Variants in CTNNA2 observed in about 807,000 individuals in gnomAD.
CTNNA2 encodes the protein catenin alpha-2.
In CTNNA2, 42 loss-of-function variants were observed where a neutral mutation model predicts 101.0. The observed-to-expected ratio is 0.42, with a 90% confidence interval of 0.32 to 0.54. The LOEUF (loss-of-function observed/expected upper bound fraction) is 0.54, where lower values mean the gene tolerates loss of function less well. Ranked by LOEUF, CTNNA2 falls within the 20% of genes least tolerant of loss-of-function variation. The pLI is 0.14. For missense variants in CTNNA2, 871 were observed against 1,223.1 expected, an observed-to-expected ratio of 0.71 and a Z score of 4.29; for synonymous variants, 450 against 456.4, an observed-to-expected ratio of 0.99 and a Z score of 0.18.
intron 7 of CTNNA2, among the ~76,000 whole-genome samples, chr2:80,248,395 G>T (rs1250150225): frequency 6.6e-6 from 1 of 152,184 alleles, no homozygotes; most frequent in Non-Finnish European, 1.5e-5. Context: ...TGTTGGGCAG[G>T]AGAGATTCCA....
chr2:79,463,379 C>T (rs1265089619), intron 4 of CTNNA2, among the ~76,000 whole-genome samples: 3 of 132,442 alleles, frequency 2.3e-5, no homozygotes, highest in South Asian at 2.4e-4. Flanking sequence ...CTGCACTTGA[C>T]AGAGTGAGAC....
At chr2:79,398,186 T>C (rs1249459640) in intron 4 of CTNNA2, among the ~76,000 whole-genome samples, 2 of 152,144 alleles carry the variant, frequency 1.3e-5, no homozygotes, top group African/African-American at 4.8e-5. Flanking sequence ...TAAAATTGTT[T>C]AGAAGATTTG....
intron 9 of CTNNA2, among the ~76,000 whole-genome samples, chr2:80,474,102 A>G (rs1487816409): frequency 6.6e-6 from 1 of 152,166 alleles, no homozygotes; most frequent in Non-Finnish European, 1.5e-5. Flanking sequence ...TCATTTACCA[A>G]AACAGTTTTT....
chr2:79,298,044 T>TCTTG (rs1358809857), intron 2 of CTNNA2, among the ~76,000 whole-genome samples: 1 of 152,206 alleles, frequency 6.6e-6, no homozygotes, highest in Middle Eastern at 3.2e-3. Flanking sequence ...GTACCACATG[T>TCTTG]CTTGGCCCAT....
intron 1 of CTNNA2, among the ~76,000 whole-genome samples, chr2:79,545,058 A>G (rs997938287): frequency 6.6e-5 from 10 of 152,344 alleles, no homozygotes; most frequent in African/African-American, 2.4e-4. Flanking sequence ...TCTACACAAT[A>G]TTTAAATTCA....
chr2:80,344,362 A>G (rs1051821788), intron 7 of CTNNA2, among the ~76,000 whole-genome samples: 1 of 152,132 alleles, frequency 6.6e-6, no homozygotes, highest in Non-Finnish European at 1.5e-5. Flanking sequence ...TTTAAATATC[A>G]TCTTTTTGTT....
intron 1 of CTNNA2, among the ~76,000 whole-genome samples, chr2:79,538,859 A>T (rs1226062548): frequency 2.0e-5 from 3 of 152,160 alleles, no homozygotes; most frequent in Admixed American, 1.3e-4. Context: ...GACTGTGCAA[A>T]CAGAAGATCA....
chr2:80,216,640 G>A (rs545239177), intron 7 of CTNNA2, among the ~76,000 whole-genome samples: 17 of 152,216 alleles, frequency 1.1e-4, no homozygotes, highest in African/African-American at 4.1e-4. Flanking sequence ...CCAGAAGAGG[G>A]CCCTCCCCAG....
chr2:79,656,910 C>T (rs1681648089), intron 2 of CTNNA2, among the ~76,000 whole-genome samples: 1 of 151,672 alleles, frequency 6.6e-6, no homozygotes, highest in African/African-American at 2.4e-5. Flanking sequence ...GAAATTACAA[C>T]TATATATGAG....
intron 2 of CTNNA2, among the ~76,000 whole-genome samples, chr2:79,704,554 C>G (rs1484132875): frequency 2.7e-5 from 4 of 150,098 alleles, no homozygotes; most frequent in Admixed American, 2.0e-4. Flanking sequence ...GCTCTGTTCC[C>G]CAGGCTGGAG....
At chr2:79,967,864 T>A (rs1690187314) in intron 7 of CTNNA2, among the ~76,000 whole-genome samples, 1 of 152,210 alleles carries the variant, frequency 6.6e-6, no homozygotes, top group Non-Finnish European at 1.5e-5. Flanking sequence ...GGTAATGTTC[T>A]CTAGCCATTA....
rs397869614 is a variant in CTNNA2, at chr2:79,332,305, A to G, written c.-318+19509A>G. Among the ~76,000 whole-genome samples the G allele has an allele frequency of 7.5e-4, 113 of 150,370 alleles. 1 individual carries two copies. Among genetic ancestry groups the G allele is most frequent in the Admixed American group, 2.8e-3 (43 of 15,088 alleles). On this transcript the variant is annotated intron_variant, in intron 3 of 21. Transcript: ENST00000466387. ...AGAGGCACTGCAAAAGAAGAAGAAA[A>G]AAAAAAAAAAGACGATGGCCAACAC...
chr2:80,140,567 C>A (rs1382484978), intron 7 of CTNNA2, among the ~76,000 whole-genome samples: 2 of 152,112 alleles, frequency 1.3e-5, no homozygotes, highest in African/African-American at 4.8e-5. Context: ...GATGCTCCAA[C>A]CCCACCAGGA....
intron 2 of CTNNA2, among the ~76,000 whole-genome samples, chr2:79,698,153 C>CT (rs1030911308): frequency 5.9e-5 from 9 of 151,920 alleles, no homozygotes; most frequent in African/African-American, 9.7e-5. Context: ...TTAAGCACTA[C>CT]TTTTTTTACA....
In CTNNA2 at chr2:79,818,821, T is replaced by TTATATATATATATATATA. The variant is rs372924495; in HGVS notation, c.299-39182_299-39165dup. On this transcript the variant is annotated intron_variant, in intron 3 of 18. Transcript: ENST00000402739. ...ATATACTTCAGGATCCAAAATGCAA[T>TTATATATATATATATATA]TATATATATATATATATATATATAT... is the stretch of plus-strand genomic sequence containing the variant. Among the ~76,000 whole-genome samples the TTATATATATATATATATA allele has an allele frequency of 1.3e-3, 99 of 74,186 alleles. 1 individual carries two copies. The highest frequency in any genetic ancestry group is 7.1e-3 in the African/African-American group (96 of 13,534). 48.7% of individuals were successfully genotyped at this position (74,186 alleles called of 152,430 possible). A position where few individuals can be genotyped will look rare whatever the true frequency, so the allele number is the denominator to read the frequency against.
chr2:79,558,175 G>A (rs1010287242), intron 1 of CTNNA2, among the ~76,000 whole-genome samples: 2 of 151,892 alleles, frequency 1.3e-5, no homozygotes, highest in African/African-American at 4.8e-5. Context: ...TAAAAGCTTA[G>A]TTTAAAACTG....
intron 2 of CTNNA2, among the ~76,000 whole-genome samples, chr2:79,684,870 C>T (rs1219746561): frequency 6.6e-6 from 1 of 152,184 alleles, no homozygotes; most frequent in Non-Finnish European, 1.5e-5. Flanking sequence ...CACTACCGAG[C>T]TGACCTCTTT....
chr2:80,567,440 C>T (rs1042258832), intron 12 of CTNNA2, among the ~76,000 whole-genome samples: 2 of 152,140 alleles, frequency 1.3e-5, no homozygotes, highest in African/African-American at 4.8e-5. Context: ...TGTCAAGGCA[C>T]ACCCCGTGCC....
intron 2 of CTNNA2, among the ~76,000 whole-genome samples, chr2:79,221,197 G>A (rs909680619): frequency 6.6e-6 from 1 of 152,150 alleles, no homozygotes; most frequent in Non-Finnish European, 1.5e-5. Flanking sequence ...TGCCCAGGCT[G>A]GAATGCAGTG....
Sources: allele counts gnomAD v4.1 joint callset (sites outside exome capture counted in the v4.1 genomes callset), GRCh38; gene constraint gnomAD v4.1.1; transcripts MANE v1.5; gene names NCBI Gene and HGNC (gene_info 2026-07-23, HGNC 2026-07-21).